Variants in UNC79 observed in about 807,000 individuals in gnomAD.
UNC79 encodes protein unc-79 homolog.
Under a neutral mutation model 283.1 loss-of-function variants are expected in UNC79, and 37 were observed. That is an observed-to-expected ratio of 0.13 (90% CI 0.10 to 0.17). The LOEUF (loss-of-function observed/expected upper bound fraction) is 0.17, where lower values mean the gene tolerates loss of function less well. Among genes scored for constraint, UNC79 ranks in the 10% least tolerant of loss-of-function variants. The probability of loss-of-function intolerance (pLI) is 1.00; values close to 1 mark genes in which losing one functional copy is unlikely to be tolerated. For missense variants in UNC79, 2,272 were observed against 3,211.1 expected (o/e 0.71, Z 7.07); for synonymous variants, 1,107 against 1,200.2 (o/e 0.92, Z 1.61).
intron 11 of UNC79, among the ~76,000 whole-genome samples, chr14:93,533,927 C>G (rs1180450932): frequency 6.6e-6 from 1 of 152,188 alleles, no homozygotes; most frequent in Non-Finnish European, 1.5e-5. Flanking sequence ...GGCTTAAAGT[C>G]TAGTATCTTG....
chr14:93,467,645 TTTTTTTTTTTTTTG>T lies in UNC79; in HGVS notation c.23-25_23-12del. The T allele has an allele frequency of 5.5e-6, 6 of 1,088,392 alleles. No homozygotes were observed. The highest frequency in any genetic ancestry group is 5.5e-6 in the Non-Finnish European group (5 of 902,052). 67.4% of individuals were successfully genotyped at this position (1,088,392 alleles called of 1,614,324 possible). On this transcript the variant is annotated splice_polypyrimidine_tract_variant and intron_variant, in intron 1 of 48. Transcript: ENST00000555664. ...TCTTCTTCCTTTTTTTTTTTTTTTT[TTTTTTTTTTTTTTG>T]CTTTTATCTAGTTGCTTCCAAGATC...
rs187108024 is a variant in UNC79 at position 93,575,481 on chromosome 14, C to T, written c.2211+283C>T. 2.4e-3 allele frequency among the ~76,000 whole-genome samples: 370 copies of T among 152,242 alleles called. 7 individuals are homozygous for T. In the Middle Eastern group the frequency reaches 0.031, roughly 13 times the overall value. Reference sequence around the variant, plus strand: ...GGTAACATTCCATTTTTATGAGTCTCCTGGTGAATAAGAATTTTTTACCAT... The same window carrying T: ...GGTAACATTCCATTTTTATGAGTCTTCTGGTGAATAAGAATTTTTTACCAT... On this transcript the variant is annotated intron_variant, in intron 17 of 48. Coordinates refer to ENST00000555664, the Ensembl canonical transcript of UNC79.
At chr14:93,532,636 C>T in intron 11 of UNC79, 58 bp downstream of exon 11, 2 of 1,594,178 alleles carry the variant, frequency 1.3e-6, no homozygotes, top group Non-Finnish European at 1.7e-6. Flanking sequence ...TATGTAAATT[C>T]ATTTATTGAC....
intron 5 of UNC79, among the ~76,000 whole-genome samples, chr14:93,494,191 T>C (rs2058904522): frequency 6.6e-6 from 1 of 152,076 alleles, no homozygotes; most frequent in South Asian, 2.1e-4. Context: ...ATTACAGGCA[T>C]GGTGCCACAC....
At chr14:93,558,504 C>T (rs993942941) in intron 14 of UNC79, among the ~76,000 whole-genome samples, 1 of 148,700 alleles carries the variant, frequency 6.7e-6, no homozygotes, top group Non-Finnish European at 1.5e-5. Flanking sequence ...TGCATTGAGC[C>T]GAGATCGCGC....
At chr14:93,679,185 G>A (rs2073614098) in intron 41 of UNC79, among the ~76,000 whole-genome samples, 1 of 152,182 alleles carries the variant, frequency 6.6e-6, no homozygotes, top group Admixed American at 6.5e-5. Flanking sequence ...ATTCGACCGG[G>A]TGTGGTGCCT....
chr14:93,688,566 G>A lies in UNC79; in HGVS notation c.6910-99G>A, dbSNP rs980741415. ...AAGCAGGTTGTTTGCTCAGAGTGGC[G>A]ATAAGCGGGGTGGAAATGACAACCT... On this transcript the variant is annotated intron_variant, in intron 43 of 48. Coordinates refer to ENST00000555664, the Ensembl canonical transcript of UNC79. This position sits in a 1 kb window ranked among gnomAD's most constrained non-coding sequence, Gnocchi z 4.0. The A allele has an allele frequency of 2.2e-6, 3 of 1,370,716 alleles. No individual in the cohort carries two copies. Among genetic ancestry groups the A allele is most frequent in the Middle Eastern group, 1.9e-4 (1 of 5,378 alleles). 84.9% of individuals were successfully genotyped at this position (1,370,716 alleles called of 1,614,324 possible).
intron 37 of UNC79, 119 bp downstream of exon 40, chr14:93,654,144 A>T: frequency 1.6e-6 from 1 of 637,228 alleles, no homozygotes. Flanking sequence ...TTGCAATGTT[A>T]TTTAATTTAA....
intron 10 of UNC79, 67 bp from the exon 11 acceptor site, chr14:93,532,483 A>G: frequency 1.3e-6 from 2 of 1,541,878 alleles, no homozygotes; most frequent in Admixed American, 1.8e-5. Context: ...AAATAAATTA[A>G]TTAATTAAAT....
chr14:93,502,270 G>A (rs770335136), intron 7 of UNC79, among the ~76,000 whole-genome samples: 2 of 152,054 alleles, frequency 1.3e-5, no homozygotes, highest in Non-Finnish European at 2.9e-5. Context: ...AAAAAATTCC[G>A]GGTGTGGTGG....
At chr14:93,694,246 C>T in intron 46 of UNC79, 89 bp from the exon 50 acceptor site, 3 of 1,206,178 alleles carry the variant, frequency 2.5e-6, no homozygotes, top group Non-Finnish European at 3.6e-6. Flanking sequence ...CTCATGGGCA[C>T]AGGACATCGG....
intron 1 of UNC79, among the ~76,000 whole-genome samples, chr14:93,357,476 G>A (rs919727132): frequency 4.0e-5 from 6 of 151,628 alleles, no homozygotes; most frequent in Non-Finnish European, 8.8e-5. Flanking sequence ...ATATAAAGCA[G>A]GCAGAAAAAC....
chr14:93,424,131 C>T (rs1037274941), intron 1 of UNC79, among the ~76,000 whole-genome samples: 7 of 152,146 alleles, frequency 4.6e-5, no homozygotes, highest in African/African-American at 1.7e-4. Flanking sequence ...CATCATTGAT[C>T]ATTAGATAAA....
At chr14:93,672,705 G>A (rs2072993731) in intron 40 of UNC79, among the ~76,000 whole-genome samples, 1 of 152,186 alleles carries the variant, frequency 6.6e-6, no homozygotes, top group Admixed American at 6.5e-5. Context: ...TACTCAAGAT[G>A]ATGAATAACC....
chr14:93,387,374 A>G (rs1473383153), intron 1 of UNC79, among the ~76,000 whole-genome samples: 2 of 151,990 alleles, frequency 1.3e-5, no homozygotes, highest in East Asian at 1.9e-4. Flanking sequence ...GTAAACATGT[A>G]TAGTTATAAA....
At chr14:93,626,265 A>G (rs1352032937) in intron 30 of UNC79, among the ~76,000 whole-genome samples, 1 of 152,160 alleles carries the variant, frequency 6.6e-6, no homozygotes, top group African/African-American at 2.4e-5. Context: ...ACAGCCTCCT[A>G]TCACCTTATC....
chr14:93,355,354 A>T (rs989258582), intron 1 of UNC79, among the ~76,000 whole-genome samples: 1 of 152,192 alleles, frequency 6.6e-6, no homozygotes, highest in Non-Finnish European at 1.5e-5. Context: ...GCCTGCCACC[A>T]TACCCAGCTA....
intron 40 of UNC79, among the ~76,000 whole-genome samples, chr14:93,666,365 T>G (rs1337936307): frequency 1.3e-5 from 2 of 152,160 alleles, no homozygotes; most frequent in African/African-American, 4.8e-5. Flanking sequence ...TCAGATTGAC[T>G]TTTAAAAATT....
At chr14:93,572,434 T>C (rs987421747) in intron 15 of UNC79, among the ~76,000 whole-genome samples, 2 of 152,244 alleles carry the variant, frequency 1.3e-5, no homozygotes, top group African/African-American at 2.4e-5. Context: ...GCCTTAGAAA[T>C]GCAATTCCTT....
Sources: allele counts gnomAD v4.1 joint callset (sites outside exome capture counted in the v4.1 genomes callset), GRCh38; gene constraint gnomAD v4.1.1; non-coding constraint Gnocchi (gnomAD v3.1); transcripts MANE v1.5; gene names NCBI Gene and HGNC (gene_info 2026-07-23, HGNC 2026-07-21).